The following MAML3 variants were observed in gnomAD, a reference collection of about 807,000 sequenced individuals.
MAML3 encodes the protein mastermind-like protein 3.
MAML3 carries 27 observed loss-of-function variants against 101.9 expected under a neutral mutation model. That is an observed-to-expected ratio of 0.27 (90% CI 0.20 to 0.37). The LOEUF (loss-of-function observed/expected upper bound fraction) is 0.37. Ranked by LOEUF, MAML3 falls within the 10% of genes least tolerant of loss-of-function variation. The pLI is 1.00. For synonymous variants in MAML3, 501 were observed against 555.9 expected (o/e 0.90, Z 1.39); for missense variants, 1,316 against 1,444.9 (o/e 0.91, Z 1.45).
intron 2 of MAML3, among the ~76,000 whole-genome samples, chr4:139,861,316 A>G (rs1179239862): frequency 6.6e-6 from 1 of 151,748 alleles, no homozygotes; most frequent in East Asian, 1.9e-4. Flanking sequence ...TCCCTGTATG[A>G]TTTTATCCAT....
At chr4:139,814,699 G>A (rs1223616494) in intron 2 of MAML3, among the ~76,000 whole-genome samples, 1 of 152,118 alleles carries the variant, frequency 6.6e-6, no homozygotes, top group Admixed American at 6.5e-5. Flanking sequence ...GGTAGGCAAT[G>A]CTGATAATGT....
chr4:139,754,197 A>AG (rs928935798), intron 2 of MAML3, among the ~76,000 whole-genome samples: 1 of 152,274 alleles, frequency 6.6e-6, no homozygotes, highest in African/African-American at 2.4e-5. Context: ...AAGGTGTATT[A>AG]GGGAGGTCAA....
At chr4:139,855,307 A>G (rs968795745) in intron 2 of MAML3, among the ~76,000 whole-genome samples, 1 of 152,248 alleles carries the variant, frequency 6.6e-6, no homozygotes, top group Non-Finnish European at 1.5e-5. Context: ...CTGCAGTAAG[A>G]TGAAAAGCAT....
chr4:139,729,156 CAAAAAAAAAAA>C (rs4057275), intron 3 of MAML3, among the ~76,000 whole-genome samples: 1 of 81,704 alleles, frequency 1.2e-5, no homozygotes, highest in Admixed American at 1.4e-4. Context: ...GGAACAAAAG[CAAAAAAAAAAA>C]AAAAAAAAAA....
intron 1 of MAML3, among the ~76,000 whole-genome samples, chr4:139,940,316 G>A (rs1308055069): frequency 1.3e-5 from 2 of 152,004 alleles, no homozygotes; most frequent in African/African-American, 4.8e-5. Flanking sequence ...TTTTCTCTAC[G>A]TGTATCCTAC....
intron 1 of MAML3, among the ~76,000 whole-genome samples, chr4:140,131,665 C>T (rs747318982): frequency 2.6e-5 from 4 of 152,178 alleles, no homozygotes; most frequent in East Asian, 1.9e-4. Context: ...TTCCCTCCCT[C>T]TTCCATCTAG....
chr4:140,125,817 C>T (rs1054849646), intron 1 of MAML3, among the ~76,000 whole-genome samples: 3 of 152,046 alleles, frequency 2.0e-5, no homozygotes, highest in Non-Finnish European at 2.9e-5. Flanking sequence ...CTTGCTCTGT[C>T]GCCCAGGCTG....
At chr4:139,961,905 G>T (rs540427610) in intron 1 of MAML3, among the ~76,000 whole-genome samples, 1 of 152,222 alleles carries the variant, frequency 6.6e-6, no homozygotes, top group African/African-American at 2.4e-5. Context: ...CTTGGGCTCA[G>T]GAGTTCAAGA....
intron 3 of MAML3, among the ~76,000 whole-genome samples, chr4:139,727,025 A>G (rs1158765581): frequency 6.6e-6 from 1 of 152,236 alleles, no homozygotes; most frequent in Non-Finnish European, 1.5e-5. Context: ...AGAATATACA[A>G]CAAGGTCCCT....
At chr4:139,892,692 G>A (rs1412670704) in intron 1 of MAML3, among the ~76,000 whole-genome samples, 3 of 151,862 alleles carry the variant, frequency 2.0e-5, no homozygotes, top group South Asian at 4.2e-4. Flanking sequence ...AATCGGGGCC[G>A]GGAGCGGTGG....
chr4:139,807,276 G>A (rs1320073830), intron 2 of MAML3, among the ~76,000 whole-genome samples: 1 of 135,406 alleles, frequency 7.4e-6, no homozygotes, highest in Non-Finnish European at 1.6e-5. Context: ...ATGCATATAC[G>A]CTATTATTTT....
chr4:139,846,345 TTTTA>T (rs1731446016), intron 2 of MAML3, among the ~76,000 whole-genome samples: 1 of 152,116 alleles, frequency 6.6e-6, no homozygotes, highest in South Asian at 2.1e-4. Flanking sequence ...ATGTATTTTA[TTTTA>T]TTTATTTTAA....
At chr4:139,830,410 A>ATTTTTTTTTTTTTTTTTTT (rs1157293904) in intron 2 of MAML3, among the ~76,000 whole-genome samples, 1 of 121,304 alleles carries the variant, frequency 8.2e-6, no homozygotes, top group African/African-American at 3.9e-5. Context: ...ACGCTGTGCT[A>ATTTTTTTTTTTTTTTTTTT]TTTTTTTTTT....
At chr4:140,152,184 C>G (rs1233262251) in intron 1 of MAML3, among the ~76,000 whole-genome samples, 1 of 152,162 alleles carries the variant, frequency 6.6e-6, no homozygotes, top group South Asian at 2.1e-4. Context: ...ACCCGCGCCC[C>G]GCATCCGCGC....
At chr4:139,752,073 C>T (rs1349771289) in intron 2 of MAML3, among the ~76,000 whole-genome samples, 3 of 152,094 alleles carry the variant, frequency 2.0e-5, no homozygotes, top group Admixed American at 6.5e-5. Flanking sequence ...CTTTGGGATT[C>T]GAATTCTAAC....
intron 2 of MAML3, among the ~76,000 whole-genome samples, chr4:139,739,971 G>A (rs1312348610): frequency 6.6e-6 from 1 of 152,108 alleles, no homozygotes; most frequent in Non-Finnish European, 1.5e-5. Context: ...CCCACCTTAC[G>A]CTCTAGAGGG....
rs925902040 is a variant in MAML3, at chr4:139,730,468, C to T, written c.2279G>A (p.Arg760Gln). The T allele has an allele frequency of 1.6e-5, 25 of 1,552,380 alleles. No homozygotes were observed. In the Admixed American group the frequency reaches 3.1e-4, roughly 19 times the overall value. ...CTGCTGCTGCTGCTGCCTTTGCTCC[C>T]GCAGGAACTGTTGCTTCTGCTGCTC... ...LIEQQKQQFL[R>Q]EQRQQQQQQQ... The change falls in exon 3 of 5, where the codon CGG becomes CAG. Residue 760 changes from arginine to glutamine, a missense_variant. By Grantham distance (43) the Arg-to-Gln change is conservative (BLOSUM62 1). Transcript: ENST00000509479.
intron 1 of MAML3, among the ~76,000 whole-genome samples, chr4:140,059,331 T>C (rs1294868607): frequency 6.6e-6 from 1 of 152,196 alleles, no homozygotes; most frequent in Non-Finnish European, 1.5e-5. Context: ...TGAACACTTC[T>C]GAGAGCAATG....
chr4:140,149,366 C>A (rs1729117732), intron 1 of MAML3, among the ~76,000 whole-genome samples: 2 of 152,178 alleles, frequency 1.3e-5, no homozygotes, highest in Non-Finnish European at 2.9e-5. Context: ...AGGACTCACA[C>A]AGAACCCAGC....
Sources: allele counts gnomAD v4.1 joint callset (sites outside exome capture counted in the v4.1 genomes callset), GRCh38; gene constraint gnomAD v4.1.1; transcripts MANE v1.5; gene names NCBI Gene and HGNC (gene_info 2026-07-23, HGNC 2026-07-21).